COL28A1: variants seen among roughly 807,000 people sequenced by gnomAD.
COL28A1 encodes collagen type XXVIII alpha 1 chain.
A neutral mutation model predicts 150.2 loss-of-function variants in COL28A1; 161 were observed. The ratio of observed to expected loss-of-function variants is 1.07; its 90% CI spans 0.94 to 1.22. COL28A1 has a LOEUF of 1.22. Among genes scored for constraint, COL28A1 ranks in the 50% most tolerant of loss-of-function variants. The pLI, the probability that COL28A1 is intolerant of heterozygous loss-of-function variation, is 0.00. For missense variants in COL28A1, 1,617 were observed against 1,388.3 expected (o/e 1.16, Z -2.62); for synonymous variants, 552 against 469.7 (o/e 1.18, Z -2.26).
At chr7:7,415,491 C>T (rs1270741462) in intron 27 of COL28A1, among the ~76,000 whole-genome samples, 3 of 152,190 alleles carry the variant, frequency 2.0e-5, no homozygotes, top group Admixed American at 2.0e-4. Context: ...CTGCTACCAA[C>T]TGGATGCCAG....
chr7:7,359,472 A>T (rs1780521730), intron 34 of COL28A1, among the ~76,000 whole-genome samples: 1 of 152,170 alleles, frequency 6.6e-6, no homozygotes, highest in South Asian at 2.1e-4. Flanking sequence ...CATTGTCCTA[A>T]TAAGGTTCCT....
intron 6 of COL28A1, among the ~76,000 whole-genome samples, chr7:7,518,989 C>A (rs1370330246): frequency 6.6e-6 from 1 of 152,184 alleles, no homozygotes; most frequent in Non-Finnish European, 1.5e-5. Flanking sequence ...AACCCAATGT[C>A]CATTACATTT....
intron 33 of COL28A1, among the ~76,000 whole-genome samples, chr7:7,369,428 T>C (rs1351836199): frequency 1.3e-5 from 2 of 152,204 alleles, no homozygotes; most frequent in East Asian, 1.9e-4. Flanking sequence ...AGCTGAGTAA[T>C]TGGAACAGAA....
At chr7:7,477,070 G>T (rs377350868) in intron 14 of COL28A1, 42 bp downstream of exon 14, 1 of 881,012 alleles carries the variant, frequency 1.1e-6, no homozygotes, top group South Asian at 1.3e-5. Context: ...TCACGAGCAT[G>T]TAAGACAAAG....
intron 33 of COL28A1, among the ~76,000 whole-genome samples, chr7:7,368,602 G>A (rs1348378186): frequency 1.3e-5 from 2 of 152,168 alleles, no homozygotes; most frequent in East Asian, 1.9e-4. Flanking sequence ...ATTAGGTCAT[G>A]AGGGTGGAGC....
chr7:7,398,503 C>T (rs1164108771), intron 27 of COL28A1, among the ~76,000 whole-genome samples: 1 of 152,212 alleles, frequency 6.6e-6, no homozygotes, highest in Non-Finnish European at 1.5e-5. Flanking sequence ...ATCCAATTCA[C>T]AGAATTTAGT....
the COL28A1 span, among the ~76,000 whole-genome samples, chr7:7,350,028 T>C: frequency 6.6e-6 from 1 of 152,142 alleles, no homozygotes; most frequent in Non-Finnish European, 1.5e-5. Context: ...TTGAATATGA[T>C]GCTAAAAGGT....
intron 14 of COL28A1, among the ~76,000 whole-genome samples, chr7:7,474,895 C>T (rs1788740923): frequency 6.6e-6 from 1 of 152,140 alleles, no homozygotes; most frequent in Admixed American, 6.5e-5. Context: ...CCAAGCAAAA[C>T]ACATATGTAG....
chr7:7,351,717 A>G (rs1780233666), downstream of COL28A1, among the ~76,000 whole-genome samples: 2 of 152,078 alleles, frequency 1.3e-5, no homozygotes, highest in African/African-American at 2.4e-5. Context: ...AATCAGTCCA[A>G]TATTTTAAAA....
intron 31 of COL28A1, among the ~76,000 whole-genome samples, chr7:7,374,636 T>A (rs1460750069): frequency 1.3e-5 from 2 of 152,196 alleles, no homozygotes; most frequent in Non-Finnish European, 2.9e-5. Context: ...GTTTCTTTAT[T>A]CATATCTTCC....
In COL28A1 at chr7:7,495,120, T is replaced by TA. The variant is rs1780135473; in HGVS notation, c.1027-4475dup. On this transcript the variant is annotated intron_variant, in intron 11 of 34. Coordinates refer to ENST00000399429, the MANE Select transcript of COL28A1 (RefSeq NM_001037763.3). ...ATTCTCTACTAGCCACATTAAGAAATAAAAAAACAGGTAAATTATAATTAA... is the reference window on the plus strand; with the variant it reads ...ATTCTCTACTAGCCACATTAAGAAATAAAAAAAACAGGTAAATTATAATTAA... Among the ~76,000 whole-genome samples, 3 of 152,112 alleles carry TA rather than the reference T, an allele frequency of 2.0e-5. No homozygotes were observed. In the South Asian group the frequency reaches 6.2e-4, roughly 32 times the overall value.
intron 11 of COL28A1, among the ~76,000 whole-genome samples, chr7:7,502,055 C>T (rs988118624): frequency 6.6e-5 from 10 of 152,122 alleles, no homozygotes; most frequent in African/African-American, 1.4e-4. Flanking sequence ...CCACCACGCC[C>T]GGCTAATTTT....
intron 34 of COL28A1, 59 bp from the exon 35 acceptor site, chr7:7,358,864 T>TA: frequency 7.3e-7 from 1 of 1,361,954 alleles, no homozygotes; most frequent in South Asian, 1.3e-5. Context: ...ACATGAAAAA[T>TA]AAAAACTGTA....
intron 27 of COL28A1, among the ~76,000 whole-genome samples, chr7:7,400,300 G>T (rs917984727): frequency 5.3e-5 from 8 of 152,136 alleles, no homozygotes; most frequent in African/African-American, 1.9e-4. Context: ...TATTCTAAGA[G>T]CAAGGCAGAG....
intron 15 of COL28A1, among the ~76,000 whole-genome samples, chr7:7,458,872 C>T (rs1252656543): frequency 1.3e-5 from 2 of 152,172 alleles, no homozygotes; most frequent in Non-Finnish European, 2.9e-5. Flanking sequence ...TTGTTAAACA[C>T]ATAAGAGAGG....
intron 27 of COL28A1, among the ~76,000 whole-genome samples, chr7:7,389,408 T>C (rs914411106): frequency 3.3e-5 from 5 of 152,192 alleles, no homozygotes; most frequent in Non-Finnish European, 7.3e-5. Context: ...AGCCTCATTG[T>C]ATAGTTTGAA....
intron 32 of COL28A1, among the ~76,000 whole-genome samples, 185 bp downstream of exon 32, chr7:7,372,813 T>C (rs1273172829): frequency 6.6e-6 from 1 of 152,202 alleles, no homozygotes; most frequent in East Asian, 1.9e-4. Flanking sequence ...AGACAAGGGA[T>C]TGTACCCTCC....
intron 33 of COL28A1, among the ~76,000 whole-genome samples, 157 bp from the exon 34 acceptor site, chr7:7,360,685 C>T (rs1352234084): frequency 5.3e-5 from 8 of 152,214 alleles, no homozygotes; most frequent in African/African-American, 9.7e-5. Flanking sequence ...AATAATGCCC[C>T]TCCTCTGTGT....
the COL28A1 span, among the ~76,000 whole-genome samples, chr7:7,340,007 T>C: frequency 1.3e-5 from 2 of 152,132 alleles, no homozygotes; most frequent in East Asian, 1.9e-4. Flanking sequence ...TTTGTTTTCA[T>C]TGAGACAAGG....
Sources: gnomAD v4.1 joint callset for allele counts (sites outside exome capture counted in the v4.1 genomes callset) on GRCh38, gnomAD v4.1.1 for gene constraint, MANE v1.5 for transcripts, NCBI Gene and HGNC (gene_info 2026-07-23, HGNC 2026-07-21) for gene names.